PELI2: variants seen among roughly 807,000 people sequenced by gnomAD.
The protein encoded by PELI2 is E3 ubiquitin-protein ligase pellino homolog 2.
PELI2 carries 23 observed loss-of-function variants against 42.3 expected under a neutral mutation model. That is an observed-to-expected ratio of 0.54 (90% confidence interval 0.39 to 0.77). PELI2 has a LOEUF of 0.77. Among genes scored for constraint, PELI2 ranks in the 30% least tolerant of loss-of-function variants. The probability of loss-of-function intolerance (pLI) is 0.00; values close to 1 mark genes in which losing one functional copy is unlikely to be tolerated. For missense variants in PELI2, 463 were observed against 553.2 expected (o/e 0.84, Z 1.64); for synonymous variants, 245 against 212.2 (o/e 1.15, Z -1.34).
chr14:56,157,004 T>A (rs1165341370), intron 1 of PELI2, among the ~76,000 whole-genome samples: 1 of 152,252 alleles, frequency 6.6e-6, no homozygotes, highest in Non-Finnish European at 1.5e-5. Flanking sequence ...ATTATGTACA[T>A]GGCTGTTGAC....
chr14:56,119,782 T>C (rs1409497329), intron 1 of PELI2: 3 of 983,208 alleles, frequency 3.1e-6, no homozygotes, highest in Admixed American at 6.1e-5. Context: ...TTTTTTCCTT[T>C]GGATGTGTCG....
At chr14:56,282,550 G>A (rs190757592) in intron 3 of PELI2, among the ~76,000 whole-genome samples, 8 of 151,976 alleles carry the variant, frequency 5.3e-5, no homozygotes, top group South Asian at 2.1e-4. Flanking sequence ...TACACTTTTC[G>A]ATTTTTGGAA....
At chr14:56,264,937 A>T (rs1888843418) in intron 2 of PELI2, among the ~76,000 whole-genome samples, 2 of 152,190 alleles carry the variant, frequency 1.3e-5, no homozygotes, top group African/African-American at 4.8e-5. Flanking sequence ...GATAAATCTA[A>T]GAAAAGATGT....
At chr14:56,212,961 G>T (rs1041779014) in intron 2 of PELI2, among the ~76,000 whole-genome samples, 3 of 152,198 alleles carry the variant, frequency 2.0e-5, no homozygotes, top group Admixed American at 6.5e-5. Context: ...GTCACGAGGA[G>T]GGTCTTAGTC....
chr14:56,135,578 T>G (rs1883657218), intron 1 of PELI2, among the ~76,000 whole-genome samples: 1 of 152,254 alleles, frequency 6.6e-6, no homozygotes, highest in Non-Finnish European at 1.5e-5. Context: ...AGGTGACATC[T>G]TTTGGCTTTC....
chr14:56,193,955 G>A (rs552469971), intron 2 of PELI2, among the ~76,000 whole-genome samples: 1 of 152,232 alleles, frequency 6.6e-6, no homozygotes, highest in South Asian at 2.1e-4. Context: ...GACCTTTCTA[G>A]GATTGCTTAG....
At chr14:56,147,822 G>C (rs1364073578) in intron 1 of PELI2, among the ~76,000 whole-genome samples, 1 of 152,150 alleles carries the variant, frequency 6.6e-6, no homozygotes, top group African/African-American at 2.4e-5. Flanking sequence ...TGTTAAAAAG[G>C]AAAACTAGAG....
intron 1 of PELI2, among the ~76,000 whole-genome samples, chr14:56,169,225 C>T (rs1459005240): frequency 6.6e-6 from 1 of 152,254 alleles, no homozygotes; most frequent in East Asian, 1.9e-4. Flanking sequence ...CTCTCCCTGC[C>T]GCCAAGCCCA....
At chr14:56,281,149 G>A (rs1263458726) in intron 3 of PELI2, among the ~76,000 whole-genome samples, 1 of 152,078 alleles carries the variant, frequency 6.6e-6, no homozygotes, top group Admixed American at 6.6e-5. Context: ...AATTGACCCA[G>A]TAATTCTAAC....
intron 1 of PELI2, among the ~76,000 whole-genome samples, chr14:56,167,731 T>C (rs543078100): frequency 5.7e-4 from 87 of 152,342 alleles, no homozygotes; most frequent in African/African-American, 2.0e-3. Context: ...TTGATGCTAG[T>C]AGATGTTCTT....
intron 1 of PELI2, among the ~76,000 whole-genome samples, chr14:56,135,461 C>A (rs899141208): frequency 2.0e-5 from 3 of 152,090 alleles, no homozygotes; most frequent in African/African-American, 7.2e-5. Context: ...CAGATATTTT[C>A]TCTGATAAAT....
intron 1 of PELI2, among the ~76,000 whole-genome samples, chr14:56,169,773 C>T (rs2228707): frequency 0.4 from 60,786 of 151,974 alleles, 12,989 homozygotes; most frequent in South Asian, 0.53. Flanking sequence ...CATATTGCTC[C>T]GCCTCCTCCT....
At chr14:56,227,579 C>G (rs1188990437) in intron 2 of PELI2, among the ~76,000 whole-genome samples, 1 of 151,938 alleles carries the variant, frequency 6.6e-6, no homozygotes, top group Admixed American at 6.6e-5. Flanking sequence ...AGTATAGATG[C>G]AAATATGAAT....
Position 56,125,544 on chromosome 14 carries a change from C to T in PELI2, c.77+6807C>T, listed in dbSNP as rs192533612. Among the ~76,000 whole-genome samples the T allele has an allele frequency of 1.0e-3, 154 of 152,172 alleles. 1 individual carries two copies. Among genetic ancestry groups the T allele is most frequent in the African/African-American group, 3.6e-3 (148 of 41,518 alleles). ...GTCCTTTGAGAGTCCCCACTTCTTT[C>T]GGTTTTTACTTACTTTTTTTTCTGT... On this transcript the variant is annotated intron_variant, in intron 1 of 5. Transcript: ENST00000267460.
At chr14:56,190,227 CTA>C (rs1408344428) in intron 2 of PELI2, among the ~76,000 whole-genome samples, 1 of 152,108 alleles carries the variant, frequency 6.6e-6, no homozygotes, top group African/African-American at 2.4e-5. Context: ...TTATTTTACT[CTA>C]GTGTCACAAA....
intron 2 of PELI2, among the ~76,000 whole-genome samples, chr14:56,265,262 AGTGTGGTATTG>A (rs1830581764): frequency 6.6e-6 from 1 of 152,158 alleles, no homozygotes; most frequent in Non-Finnish European, 1.5e-5. Flanking sequence ...TAATTAAGAC[AGTGTGGTATTG>A]GTGTAAAGAT....
At chr14:56,162,406 A>C (rs1243553541) in intron 1 of PELI2, among the ~76,000 whole-genome samples, 1 of 152,098 alleles carries the variant, frequency 6.6e-6, no homozygotes, top group African/African-American at 2.4e-5. Context: ...TAACATAGTG[A>C]CTTCCAGTTC....
chr14:56,120,638 T>C (rs908648406), intron 1 of PELI2, among the ~76,000 whole-genome samples: 1 of 152,224 alleles, frequency 6.6e-6, no homozygotes, highest in African/African-American at 2.4e-5. Flanking sequence ...CTGTGCTGTT[T>C]AGGCATTGCT....
At chr14:56,259,833 A>T (rs933873026) in intron 2 of PELI2, among the ~76,000 whole-genome samples, 8 of 152,154 alleles carry the variant, frequency 5.3e-5, no homozygotes, top group Non-Finnish European at 8.8e-5. Context: ...CTATATTAGC[A>T]ATAAGTAATA....
Sources: allele counts gnomAD v4.1 joint callset (sites outside exome capture counted in the v4.1 genomes callset), GRCh38; gene constraint gnomAD v4.1.1; transcripts MANE v1.5; gene names NCBI Gene and HGNC (gene_info 2026-07-23, HGNC 2026-07-21).